Variants in RPL31 observed in about 807,000 individuals in gnomAD.
RPL31 encodes the protein large ribosomal subunit protein eL31.
For missense variants in RPL31, 95 were observed against 164.0 expected (o/e 0.58, Z 2.30); for synonymous variants, 51 against 55.0 (o/e 0.93, Z 0.32).
At chr2:101,005,716 C>T (rs1159009363) in intron 3 of RPL31, 8 of 525,272 alleles carry the variant, frequency 1.5e-5, no homozygotes, top group East Asian at 1.0e-4. Flanking sequence ...TAGGATTAAC[C>T]GGTTGGGTAT....
intron 2 of RPL31, 46 bp downstream of exon 2, chr2:101,002,854 G>T (rs757211325): frequency 7.0e-6 from 10 of 1,435,170 alleles, no homozygotes; most frequent in Non-Finnish European, 9.8e-6. Flanking sequence ...CACGCGTCTG[G>T]TTGTTACCGA....
At chr2:101,007,759 G>C (rs745594288), downstream of RPL31, 37 of 1,528,616 alleles carry the variant, frequency 2.4e-5, no homozygotes, top group Non-Finnish European at 3.1e-5. Context: ...CTGACCCCAA[G>C]AAACAGTCTG....
At chr2:101,013,941 C>T (rs999413820) in intron 4 of RPL31, among the ~76,000 whole-genome samples, 1 of 152,204 alleles carries the variant, frequency 6.6e-6, no homozygotes, top group Admixed American at 6.5e-5. Context: ...ATTATAGCAG[C>T]GAGGCCCTGC....
At chr2:101,019,276 C>A in exon 5 of RPL31, 1 of 414,080 alleles carries the variant, frequency 2.4e-6, no homozygotes, top group Non-Finnish European at 4.3e-6. Flanking sequence ...TTTAGGCACA[C>A]AAATTCACAT....
chr2:101,003,717 A>C (rs1461216770), intron 2 of RPL31, among the ~76,000 whole-genome samples: 1 of 152,252 alleles, frequency 6.6e-6, no homozygotes, highest in Admixed American at 6.5e-5. Context: ...CTGCCTGCAC[A>C]CTTCAGGCCC....
At chr2:101,011,164 A>G, downstream of RPL31, 1 of 848,140 alleles carries the variant, frequency 1.2e-6, no homozygotes, top group South Asian at 1.7e-5. Flanking sequence ...AAAGCAAGAG[A>G]TTCCCCTGGA....
At chr2:101,003,454 C>T (rs557479727) in intron 2 of RPL31, among the ~76,000 whole-genome samples, 6 of 152,214 alleles carry the variant, frequency 3.9e-5, no homozygotes, top group Admixed American at 3.3e-4. Context: ...CCCACCTTGG[C>T]CGTCTTATAG....
chr2:101,019,274 CACA>C, exon 5 of RPL31: 1 of 414,266 alleles, frequency 2.4e-6, no homozygotes, highest in South Asian at 6.6e-5. Flanking sequence ...TCTTTAGGCA[CACA>C]AATTCACATT....
downstream of RPL31, chr2:101,008,177 G>A: frequency 6.2e-7 from 1 of 1,613,716 alleles, no homozygotes; most frequent in South Asian, 1.1e-5. Flanking sequence ...TGCAGCAGCA[G>A]TGTGGTGACT....
downstream of RPL31, among the ~76,000 whole-genome samples, chr2:101,010,518 A>G (rs1220107733): frequency 6.6e-6 from 1 of 152,114 alleles, no homozygotes; most frequent in African/African-American, 2.4e-5. Flanking sequence ...TTTAATCACT[A>G]TGATGTTCCG....
intron 4 of RPL31, among the ~76,000 whole-genome samples, chr2:101,016,992 G>C (rs1679696803): frequency 6.6e-6 from 1 of 151,786 alleles, no homozygotes; most frequent in African/African-American, 2.4e-5. Flanking sequence ...GAGTTAATGG[G>C]TGCAGCACAC....
Position 101,006,391 on chromosome 2 carries a change from G to A in RPL31, c.*10G>A, listed in dbSNP as rs371087503. 17 of 1,607,660 alleles carry A rather than the reference G, an allele frequency of 1.1e-5. No homozygotes were observed. The highest frequency in any genetic ancestry group is 4.5e-5 in the East Asian group (2 of 44,794). ...TGTGGATGAGAACTAATCGCTGATCGTCAGATCAAATAAAGTTATAAAATT... is the reference window on the plus strand; with the variant it reads ...TGTGGATGAGAACTAATCGCTGATCATCAGATCAAATAAAGTTATAAAATT... On this transcript the variant is annotated 3_prime_UTR_variant, in exon 5 of 5. Transcript: ENST00000264258.
At chr2:101,011,196 G>A (rs1679182017), downstream of RPL31, 8 of 721,028 alleles carry the variant, frequency 1.1e-5, no homozygotes, top group Non-Finnish European at 4.5e-6. Flanking sequence ...TGGTAACTGG[G>A]GGACTTCTGC....
At chr2:101,003,631 A>C (rs983365105) in intron 2 of RPL31, among the ~76,000 whole-genome samples, 3 of 152,218 alleles carry the variant, frequency 2.0e-5, no homozygotes, top group African/African-American at 7.2e-5. Flanking sequence ...GGATGTTTTA[A>C]GTATTTAAGT....
At chr2:101,013,336 T>C (rs142851549) in intron 4 of RPL31, among the ~76,000 whole-genome samples, 241 of 152,362 alleles carry the variant, frequency 1.6e-3, no homozygotes, top group African/African-American at 5.6e-3. Flanking sequence ...TAAGAATGCA[T>C]ACAGTCTTTA....
intron 4 of RPL31, among the ~76,000 whole-genome samples, chr2:101,016,019 A>C (rs1294138971): frequency 1.3e-5 from 2 of 151,878 alleles, no homozygotes; most frequent in Non-Finnish European, 2.9e-5. Context: ...ATGGGCAAGG[A>C]CTTCATGTCT....
At chr2:101,008,395 A>G, downstream of RPL31, 3 of 789,492 alleles carry the variant, frequency 3.8e-6, no homozygotes, top group Non-Finnish European at 5.7e-6. Context: ...AGAATATAAG[A>G]AAAGGTAGTC....
chr2:101,014,643 C>T (rs1679479920), intron 4 of RPL31, among the ~76,000 whole-genome samples: 1 of 152,140 alleles, frequency 6.6e-6, no homozygotes, highest in Admixed American at 6.5e-5. Context: ...TGGGCCATTC[C>T]CATTATTAGT....
chr2:101,009,988 AT>A (rs1028879529), downstream of RPL31, among the ~76,000 whole-genome samples: 39 of 146,122 alleles, frequency 2.7e-4, no homozygotes, highest in East Asian at 4.0e-4. Flanking sequence ...CGTCCAGCTA[AT>A]TTTTTTTTTT....
Sources: gnomAD v4.1 joint callset for allele counts (sites outside exome capture counted in the v4.1 genomes callset) on GRCh38, gnomAD v4.1.1 for gene constraint, MANE v1.5 for transcripts, NCBI Gene and HGNC (gene_info 2026-07-23, HGNC 2026-07-21) for gene names.